CECR2: variants seen among roughly 807,000 people sequenced by gnomAD.
The protein encoded by CECR2 is chromatin remodeling regulator CECR2.
In CECR2, 30 loss-of-function variants were observed where a neutral mutation model predicts 154.5. The observed-to-expected ratio is 0.19, with a 90% confidence interval of 0.15 to 0.26. The LOEUF (loss-of-function observed/expected upper bound fraction) is 0.26, where lower values mean the gene tolerates loss of function less well. CECR2 is among the 10% of genes least tolerant of loss of function. The probability of loss-of-function intolerance (pLI) is 1.00; values close to 1 mark genes in which losing one functional copy is unlikely to be tolerated. For synonymous variants in CECR2, 725 were observed against 683.7 expected, an observed-to-expected ratio of 1.06 and a Z score of -0.94; for missense variants, 1,743 against 1,829.3, an observed-to-expected ratio of 0.95 and a Z score of 0.86.
chr22:17,447,864 C>T (rs2054700748), intron 1 of CECR2, among the ~76,000 whole-genome samples: 1 of 139,828 alleles, frequency 7.2e-6, no homozygotes, highest in Admixed American at 6.9e-5. Flanking sequence ...ATGGTAGCCA[C>T]ATTTCAAGTG....
intron 1 of CECR2, among the ~76,000 whole-genome samples, chr22:17,457,328 A>G (rs114104961): frequency 0.013 from 1,938 of 152,272 alleles, 34 homozygotes; most frequent in African/African-American, 0.044. Flanking sequence ...CGCCTGGCCT[A>G]TATTTACTAG....
At chr22:17,536,194 G>T (rs1047779706) in intron 9 of CECR2, among the ~76,000 whole-genome samples, 1 of 152,178 alleles carries the variant, frequency 6.6e-6, no homozygotes, top group South Asian at 2.1e-4. Context: ...GTTGTGGTGA[G>T]CCGAGGTGGC....
intron 1 of CECR2, among the ~76,000 whole-genome samples, chr22:17,445,294 G>A (rs2054641695): frequency 6.6e-6 from 1 of 152,020 alleles, no homozygotes; most frequent in South Asian, 2.1e-4. Flanking sequence ...GATTGCTTGA[G>A]GCCAGGAGAC....
chr22:17,404,617 C>T (rs1299379383), intron 1 of CECR2, among the ~76,000 whole-genome samples: 1 of 131,046 alleles, frequency 7.6e-6, no homozygotes, highest in Admixed American at 7.2e-5. Flanking sequence ...TCGTGATCCA[C>T]CCGCCTCGGC....
intron 1 of CECR2, among the ~76,000 whole-genome samples, chr22:17,388,299 G>A (rs952574674): frequency 2.0e-5 from 3 of 152,150 alleles, no homozygotes; most frequent in African/African-American, 7.2e-5. Context: ...TATCATAAAA[G>A]TTACATGAAT....
chr22:17,453,368 G>T (rs900573108), intron 1 of CECR2, among the ~76,000 whole-genome samples: 1 of 152,174 alleles, frequency 6.6e-6, no homozygotes, highest in African/African-American at 2.4e-5. Context: ...CTTGAACCCA[G>T]GAGGCGGAGG....
At chr22:17,439,008 T>G (rs183967298) in intron 1 of CECR2, among the ~76,000 whole-genome samples, 449 of 152,270 alleles carry the variant, frequency 2.9e-3, no homozygotes, top group Non-Finnish European at 5.0e-3. Flanking sequence ...AGACCTCATC[T>G]CTACACATTT....
chr22:17,473,771 T>G (rs1371388780), intron 1 of CECR2, among the ~76,000 whole-genome samples: 2 of 152,226 alleles, frequency 1.3e-5, no homozygotes, highest in African/African-American at 4.8e-5. Flanking sequence ...ATTAAGTAGA[T>G]TCACATTGTT....
intron 1 of CECR2, among the ~76,000 whole-genome samples, chr22:17,370,557 C>T (rs1031560689): frequency 2.0e-5 from 3 of 152,144 alleles, no homozygotes; most frequent in Admixed American, 6.5e-5. Context: ...TCCTTCCTCC[C>T]GTAATATCCA....
chr22:17,412,197 G>C (rs1424387552), intron 1 of CECR2, among the ~76,000 whole-genome samples: 1 of 152,062 alleles, frequency 6.6e-6, no homozygotes. Flanking sequence ...ATGATCCTTA[G>C]CTGTGGCTGC....
intron 1 of CECR2, among the ~76,000 whole-genome samples, chr22:17,363,215 A>C (rs1404765598): frequency 6.7e-6 from 1 of 148,222 alleles, no homozygotes; most frequent in African/African-American, 2.5e-5. Context: ...ACACCTGGCT[A>C]ATTTTTTTTT....
At chr22:17,537,368 C>A in intron 10 of CECR2, 136 bp downstream of exon 10, 2 of 1,007,502 alleles carry the variant, frequency 2.0e-6, no homozygotes, top group Non-Finnish European at 1.5e-6. Context: ...ACAGGGCGGG[C>A]CCTGCACACA....
chr22:17,392,030 G>T (rs570393805), intron 1 of CECR2, among the ~76,000 whole-genome samples: 1 of 152,110 alleles, frequency 6.6e-6, no homozygotes, highest in East Asian at 1.9e-4. Context: ...TCGAACTCTC[G>T]AACTCCCAAA....
At chr22:17,426,606 C>G (rs2054334837) in intron 1 of CECR2, among the ~76,000 whole-genome samples, 1 of 152,224 alleles carries the variant, frequency 6.6e-6, no homozygotes, top group Non-Finnish European at 1.5e-5. Flanking sequence ...ATCCGCCCGC[C>G]TCAGCCTCCC....
intron 5 of CECR2, 77 bp from the exon 6 acceptor site, chr22:17,503,005 C>A: frequency 1.5e-6 from 2 of 1,300,506 alleles, no homozygotes; most frequent in South Asian, 1.3e-5. Flanking sequence ...TTAATGGGTT[C>A]TACCATCCTG....
At chr22:17,489,051 C>G (rs369203223) in intron 2 of CECR2, among the ~76,000 whole-genome samples, 7 of 152,228 alleles carry the variant, frequency 4.6e-5, no homozygotes, top group African/African-American at 9.6e-5. Flanking sequence ...TCAAGTGATT[C>G]TCCTGCCTCA....
chr22:17,449,373 C>T (rs949976302), intron 1 of CECR2, among the ~76,000 whole-genome samples: 13 of 152,002 alleles, frequency 8.6e-5, no homozygotes, highest in African/African-American at 2.9e-4. Context: ...CCAGCTGTTC[C>T]ACCTGTCTGT....
intron 9 of CECR2, among the ~76,000 whole-genome samples, chr22:17,525,617 C>A (rs1225589633): frequency 6.6e-6 from 1 of 152,164 alleles, no homozygotes; most frequent in Admixed American, 6.6e-5. Flanking sequence ...ATAAAAAAAA[C>A]AACCCTTAGT....
chr22:17,439,878 C>T (rs1031798013), intron 1 of CECR2, among the ~76,000 whole-genome samples: 8 of 152,060 alleles, frequency 5.3e-5, no homozygotes, highest in Admixed American at 3.9e-4. Flanking sequence ...ATGTTACCTG[C>T]GTACCGTGGA....
Sources: gnomAD v4.1 joint callset for allele counts (sites outside exome capture counted in the v4.1 genomes callset) on GRCh38, gnomAD v4.1.1 for gene constraint, MANE v1.5 for transcripts, NCBI Gene and HGNC (gene_info 2026-07-23, HGNC 2026-07-21) for gene names.